NOTCH2NLR: variants seen among roughly 807,000 people sequenced by gnomAD.
The protein encoded by NOTCH2NLR is notch 2 N-terminal like R (pseudogene).
Under a neutral mutation model 35.6 loss-of-function variants are expected in NOTCH2NLR, and 33 were observed. That is an observed-to-expected ratio of 0.93 (90% CI 0.70 to 1.24). The LOEUF (loss-of-function observed/expected upper bound fraction) is 1.24. Among genes scored for constraint, NOTCH2NLR ranks in the 50% most tolerant of loss-of-function variants. The pLI is 0.00. For missense variants in NOTCH2NLR, 276 were observed against 362.2 expected (o/e 0.76, Z 1.93); for synonymous variants, 103 against 141.0 (o/e 0.73, Z 1.91).
At chr1:120,743,717 G>A (rs1287149284) in intron 1 of NOTCH2NLR, among the ~76,000 whole-genome samples, 1 of 111,070 alleles carries the variant, frequency 9.0e-6, no homozygotes, top group Non-Finnish European at 1.8e-5. Flanking sequence ...TTCATTTTTT[G>A]AGAACTAATG....
At position 120,737,713 on chromosome 1, in the gene NOTCH2NLR, G is replaced by A. The variant is rs1273273077; in HGVS notation, c.73+13463G>A. On this transcript the variant is annotated intron_variant, in intron 1 of 4. Coordinates refer to ENST00000624419, the Ensembl canonical transcript of NOTCH2NLR. ...TTCTTTGTACTAGTTGAGACAACTC[G>A]GCAGGTCTGGTGTCATTAGTGATTC... Among the ~76,000 whole-genome samples, 12 of 124,824 alleles carry A rather than the reference G, an allele frequency of 9.6e-5. 2 individuals are homozygous for A. Among genetic ancestry groups the A allele is most frequent in the East Asian group, 2.0e-4 (1 of 5,044 alleles). 81.9% of individuals were successfully genotyped at this position (124,824 alleles called of 152,430 possible).
rs1339303940 is a variant in NOTCH2NLR at position 120,787,176 on chromosome 1, A to AAT, written c.415+1954_415+1955dup. ...CCCAAAGTGTCTTGGTGGCAATCTT[A>AAT]ATATATATATATTGGCAATCTTTAT... On this transcript the variant is annotated intron_variant, in intron 3 of 4. Transcript: ENST00000624419. 8.7e-5 allele frequency among the ~76,000 whole-genome samples: 8 copies of AAT among 91,568 alleles called. 2 individuals are homozygous for AAT. The highest frequency in any genetic ancestry group is 6.8e-4 in the South Asian group (2 of 2,944). 60.1% of individuals were successfully genotyped at this position (91,568 alleles called of 152,430 possible).
At chr1:120,752,555 T>TA (rs1286857308) in intron 1 of NOTCH2NLR, among the ~76,000 whole-genome samples, 24 of 6,602 alleles carry the variant, frequency 3.6e-3, no homozygotes, top group African/African-American at 0.016. Flanking sequence ...TATATATATA[T>TA]TTTTTTTTTT....
At position 120,738,881 on chromosome 1, in the gene NOTCH2NLR, A is replaced by AT. The variant is rs1446596833; in HGVS notation, c.73+14638dup. Among the ~76,000 whole-genome samples the AT allele has an allele frequency of 3.1e-5, 3 of 96,156 alleles. 1 individual carries two copies. The highest frequency in any genetic ancestry group is 6.0e-5 in the Non-Finnish European group (3 of 50,352). 63.1% of individuals were successfully genotyped at this position (96,156 alleles called of 152,430 possible). ...ATCAAGACCAGGAATGAATGTGTGG[A>AT]TTTTTTTAAATAAAAAATTGAGAGA... On this transcript the variant is annotated intron_variant, in intron 1 of 4. Transcript: ENST00000624419.
At chr1:120,778,606 G>GTTT (rs1295507724) in intron 2 of NOTCH2NLR, among the ~76,000 whole-genome samples, 1 of 16,410 alleles carries the variant, frequency 6.1e-5, no homozygotes, top group Non-Finnish European at 9.7e-5. Context: ...CCAAATCCTC[G>GTTT]TTTTAAAAAA....
chr1:120,785,000 A>T lies in NOTCH2NLR; in HGVS notation c.182A>T (p.Tyr61Phe). Residue 61 changes from tyrosine to phenylalanine, a missense_variant, in exon 3 of 5, where the codon TAT becomes TTT. By Grantham distance (22) the Tyr-to-Phe change is conservative. Coordinates refer to ENST00000624419, the Ensembl canonical transcript of NOTCH2NLR. ...TGTCCAGAAGGCTTCTTGGGGGAAT[A>T]TTGTCAACATCGAGACCCCTGTGAG... 1.7e-5 allele frequency: 24 copies of T among 1,422,052 alleles called. 4 individuals carry two copies. In the South Asian group the frequency reaches 2.9e-4, roughly 17 times the overall value. The allele number at this position is 1,422,052 out of a possible 1,614,324, so 88.1% of individuals were successfully genotyped here. A position where few individuals can be genotyped will look rare whatever the true frequency, so the allele number is the denominator to read the frequency against.
In NOTCH2NLR at chr1:120,727,822, C is replaced by T. The variant is rs1199724170; in HGVS notation, c.73+3572C>T. On this transcript the variant is annotated intron_variant, in intron 1 of 4. Transcript: ENST00000624419. ...GTTTTTGTTTCCCCCCCTTTCTCTG[C>T]AAATGACTTGAAACCAAAAGGTCTT... Among the ~76,000 whole-genome samples the T allele has an allele frequency of 2.6e-5, 3 of 117,478 alleles. 1 individual carries two copies. Among genetic ancestry groups the T allele is most frequent in the African/African-American group, 9.9e-5 (2 of 20,122 alleles). The allele number at this position is 117,478 out of a possible 152,430, so 77.1% of individuals were successfully genotyped here. A position where few individuals can be genotyped will look rare whatever the true frequency, so the allele number is the denominator to read the frequency against.
rs1357863906 is a variant in NOTCH2NLR at position 120,778,482 on chromosome 1, G to GT, written c.156-6485dup. Reference sequence around the variant, plus strand: ...TCCCCTTCGTTCCACATTCTGTATAGTTTTTTTAAAAATCATGATTTTGAA... The same window carrying GT: ...TCCCCTTCGTTCCACATTCTGTATAGTTTTTTTTAAAAATCATGATTTTGAA... On this transcript the variant is annotated intron_variant, in intron 2 of 4. Transcript: ENST00000624419. Among the ~76,000 whole-genome samples, 11 of 103,966 alleles carry GT rather than the reference G, an allele frequency of 1.1e-4. 4 individuals are homozygous for GT. Among genetic ancestry groups the GT allele is most frequent in the East Asian group, 4.6e-4 (2 of 4,392 alleles). The allele number at this position is 103,966 out of a possible 152,430, so 68.2% of individuals were successfully genotyped here. A position where few individuals can be genotyped will look rare whatever the true frequency, so the allele number is the denominator to read the frequency against.
At chr1:120,778,098 T>G (rs1256674206) in intron 2 of NOTCH2NLR, among the ~76,000 whole-genome samples, 3 of 75,886 alleles carry the variant, frequency 4.0e-5, no homozygotes, top group African/African-American at 1.1e-4. Flanking sequence ...GGGGACAGAG[T>G]AGGGGGGCAG....
chr1:120,778,265 C>G (rs1190189095), intron 2 of NOTCH2NLR, among the ~76,000 whole-genome samples: 3 of 51,832 alleles, frequency 5.8e-5, no homozygotes, highest in East Asian at 4.7e-4. Flanking sequence ...ACAGCTCCCC[C>G]CTCTAGAGCT....
intron 1 of NOTCH2NLR, among the ~76,000 whole-genome samples, chr1:120,752,546 ATATATATATTTT>A (rs1351658184): frequency 2.4e-4 from 3 of 12,760 alleles, no homozygotes; most frequent in African/African-American, 1.3e-3. Context: ...ATATATATAT[ATATATATATTTT>A]TTTTTTTTTT....
At chr1:120,748,161 C>T (rs1650994734) in intron 1 of NOTCH2NLR, among the ~76,000 whole-genome samples, 1 of 27,258 alleles carries the variant, frequency 3.7e-5, no homozygotes, top group Non-Finnish European at 5.9e-5. Context: ...CCTTAACTAG[C>T]AAGTAAGCTA....
Position 120,737,769 on chromosome 1 carries a change from A to T in NOTCH2NLR, c.73+13519A>T, listed in dbSNP as rs1650921540. Among the ~76,000 whole-genome samples the T allele has an allele frequency of 3.2e-5, 4 of 123,872 alleles. 2 individuals carry two copies. Among genetic ancestry groups the T allele is most frequent in the African/African-American group, 1.5e-4 (4 of 25,816 alleles). The allele number at this position is 123,872 out of a possible 152,430, so 81.3% of individuals were successfully genotyped here. On this transcript the variant is annotated intron_variant, in intron 1 of 4. Transcript: ENST00000624419. ...TGGATTAGCCTGGACTGGTGGAGTT[A>T]CTTTCTCAGAAAAGGGCTTTATATT...
In NOTCH2NLR at chr1:120,727,807, C is replaced by A. The variant is rs1650831896; in HGVS notation, c.73+3557C>A. Among the ~76,000 whole-genome samples, 2 of 117,298 alleles carry A rather than the reference C, an allele frequency of 1.7e-5. 1 individual carries two copies. 77.0% of individuals were successfully genotyped at this position (117,298 alleles called of 152,430 possible). The stretch of plus-strand genomic sequence containing the variant: ...TTTCCTGATTTTCCTGTTTTTGTTT[C>A]CCCCCCTTTCTCTGCAAATGACTTG... On this transcript the variant is annotated intron_variant, in intron 1 of 4. Coordinates refer to ENST00000624419, the Ensembl canonical transcript of NOTCH2NLR.
intron 1 of NOTCH2NLR, among the ~76,000 whole-genome samples, chr1:120,763,399 CAG>C (rs1484046061): frequency 9.5e-6 from 1 of 105,626 alleles, no homozygotes; most frequent in Non-Finnish European, 1.7e-5. Flanking sequence ...TACTAAAACA[CAG>C]AGAAATAAGA....
intron 2 of NOTCH2NLR, among the ~76,000 whole-genome samples, chr1:120,777,878 G>A (rs1246018733): frequency 9.3e-6 from 1 of 107,094 alleles, no homozygotes; most frequent in East Asian, 2.4e-4. Flanking sequence ...TCAGCCAGGA[G>A]GTACTGAAAG....
intron 1 of NOTCH2NLR, among the ~76,000 whole-genome samples, chr1:120,752,544 A>ATTTTT (rs1651029981): frequency 7.1e-5 from 1 of 14,102 alleles, no homozygotes. Flanking sequence ...ATATATATAT[A>ATTTTT]TATATATATA....
intron 2 of NOTCH2NLR, among the ~76,000 whole-genome samples, chr1:120,765,127 C>T (rs1238397619): frequency 8.5e-6 from 1 of 117,502 alleles, no homozygotes; most frequent in Non-Finnish European, 1.7e-5. Flanking sequence ...TTTTATGTAG[C>T]TTATTATGAG....
chr1:120,784,269 C>T lies in NOTCH2NLR; in HGVS notation c.156-705C>T, dbSNP rs1324972960. On this transcript the variant is annotated intron_variant, in intron 2 of 4. Coordinates refer to ENST00000624419, the Ensembl canonical transcript of NOTCH2NLR. ...AAAGCAAATATATGGTTCTGTACAC[C>T]GGCTTTAGGAGAGTAAGTCTGTTGT... Among the ~76,000 whole-genome samples the T allele has an allele frequency of 1.2e-4, 14 of 117,524 alleles. 2 individuals carry two copies. The highest frequency in any genetic ancestry group is 7.4e-4 in the South Asian group (3 of 4,070). The allele number at this position is 117,524 out of a possible 152,430, so 77.1% of individuals were successfully genotyped here.
Sources: gnomAD v4.1 joint callset for allele counts (sites outside exome capture counted in the v4.1 genomes callset) on GRCh38, gnomAD v4.1.1 for gene constraint, MANE v1.5 for transcripts, NCBI Gene and HGNC (gene_info 2026-07-23, HGNC 2026-07-21) for gene names.